Variants in DENND1A observed in about 807,000 individuals in gnomAD.
DENND1A encodes DENN domain-containing protein 1A.
A neutral mutation model predicts 113.7 loss-of-function variants in DENND1A; 51 were observed. That is an observed-to-expected ratio of 0.45 (90% CI 0.36 to 0.57). The LOEUF (loss-of-function observed/expected upper bound fraction) is 0.57, where lower values mean the gene tolerates loss of function less well. Among genes scored for constraint, DENND1A ranks in the 20% least tolerant of loss-of-function variants. The pLI, the probability that DENND1A is intolerant of heterozygous loss-of-function variation, is 0.00. For synonymous variants in DENND1A, 565 were observed against 570.8 expected, an observed-to-expected ratio of 0.99 and a Z score of 0.14; for missense variants, 1,258 against 1,395.9, an observed-to-expected ratio of 0.90 and a Z score of 1.57.
At chr9:123,556,812 G>A (rs2057441858) in intron 13 of DENND1A, among the ~76,000 whole-genome samples, 1 of 152,250 alleles carries the variant, frequency 6.6e-6, no homozygotes, top group Non-Finnish European at 1.5e-5. Flanking sequence ...AGAAAGCCAA[G>A]AGTAGGCCGA....
At chr9:123,551,243 C>T (rs1378928531) in intron 13 of DENND1A, among the ~76,000 whole-genome samples, 1 of 152,212 alleles carries the variant, frequency 6.6e-6, no homozygotes, top group East Asian at 1.9e-4. Flanking sequence ...AAGCAGCAAC[C>T]TCTGAAGCCC....
chr9:123,407,198 C>T (rs1393227946), intron 20 of DENND1A, among the ~76,000 whole-genome samples: 1 of 151,418 alleles, frequency 6.6e-6, no homozygotes, highest in African/African-American at 2.4e-5. Context: ...GCTGGAGCCT[C>T]GGAGGCTGGG....
chr9:123,915,515 G>A (rs1357171977), intron 1 of DENND1A, among the ~76,000 whole-genome samples: 1 of 151,994 alleles, frequency 6.6e-6, no homozygotes, highest in Non-Finnish European at 1.5e-5. Context: ...AGTGTTGAGG[G>A]TTAATGGAAC....
At chr9:123,848,248 A>AC (rs1842890965) in intron 2 of DENND1A, among the ~76,000 whole-genome samples, 1 of 146,822 alleles carries the variant, frequency 6.8e-6, no homozygotes, top group Non-Finnish European at 1.5e-5. Flanking sequence ...AAAAAAAAAA[A>AC]AAAAAAAAAC....
At chr9:123,855,003 G>A (rs911356102) in intron 2 of DENND1A, among the ~76,000 whole-genome samples, 5 of 151,156 alleles carry the variant, frequency 3.3e-5, no homozygotes, top group Non-Finnish European at 7.4e-5. Flanking sequence ...TACTCTAGAA[G>A]TAAATGTAAC....
At chr9:123,801,892 A>G (rs1034626621) in intron 2 of DENND1A, among the ~76,000 whole-genome samples, 23 of 152,118 alleles carry the variant, frequency 1.5e-4, no homozygotes, top group African/African-American at 5.6e-4. Context: ...TCTTCCCACT[A>G]TCCAAATCTT....
At chr9:123,609,184 C>T (rs1397405284) in intron 11 of DENND1A, among the ~76,000 whole-genome samples, 1 of 152,230 alleles carries the variant, frequency 6.6e-6, no homozygotes, top group Non-Finnish European at 1.5e-5. Flanking sequence ...AGAACCCTTT[C>T]CTCCTGCCTC....
intron 1 of DENND1A, among the ~76,000 whole-genome samples, chr9:123,904,397 G>A (rs1852361302): frequency 6.6e-6 from 1 of 151,614 alleles, no homozygotes. Context: ...AGAGAAGAAG[G>A]CTTCAGACGA....
intron 5 of DENND1A, among the ~76,000 whole-genome samples, chr9:123,745,536 T>G (rs1248980811): frequency 6.6e-6 from 1 of 152,248 alleles, no homozygotes; most frequent in African/African-American, 2.4e-5. Context: ...CTCAATAAAG[T>G]TGATTGAGCT....
chr9:123,522,315 G>C (rs981901579), intron 13 of DENND1A, among the ~76,000 whole-genome samples: 1 of 152,194 alleles, frequency 6.6e-6, no homozygotes, highest in African/African-American at 2.4e-5. Flanking sequence ...AGGAGCAAGG[G>C]AGCTGCACAA....
intron 3 of DENND1A, among the ~76,000 whole-genome samples, chr9:123,771,157 T>C (rs1343578900): frequency 6.6e-6 from 1 of 152,196 alleles, no homozygotes. Context: ...CTTTATAATG[T>C]GGCATTCAGG....
At chr9:123,862,137 T>A (rs1845146601) in intron 2 of DENND1A, among the ~76,000 whole-genome samples, 1 of 152,226 alleles carries the variant, frequency 6.6e-6, no homozygotes, top group Non-Finnish European at 1.5e-5. Context: ...TTGGGTTTAA[T>A]TAAACACTAG....
chr9:123,456,457 A>C (rs1402115164), intron 15 of DENND1A, among the ~76,000 whole-genome samples: 4 of 152,162 alleles, frequency 2.6e-5, no homozygotes, highest in African/African-American at 9.7e-5. Flanking sequence ...TGAGAAGACA[A>C]GACCTTCAGT....
intron 13 of DENND1A, among the ~76,000 whole-genome samples, chr9:123,551,986 AGAGAGCGAGAGAGAGCGAGAGAGAGC>A (rs2057078372): frequency 6.8e-6 from 1 of 147,948 alleles, no homozygotes; most frequent in Admixed American, 6.8e-5. Flanking sequence ...GGAAAGAGAG[AGAGAGCGAGAGAGAGCGAGAGAGAGC>A]GAGAGCGAGA....
intron 12 of DENND1A, among the ~76,000 whole-genome samples, chr9:123,559,126 C>T (rs1280114256): frequency 6.6e-6 from 1 of 152,002 alleles, no homozygotes; most frequent in East Asian, 1.9e-4. Flanking sequence ...GTGCTAAGTA[C>T]GGGGAGTGGT....
Position 123,421,190 on chromosome 9 carries a change from T to C in DENND1A, c.1489-9361A>G, listed in dbSNP as rs551070362. Among the ~76,000 whole-genome samples the C allele has an allele frequency of 2.1e-4, 31 of 150,918 alleles. No homozygotes were observed. In the East Asian group the frequency reaches 3.5e-3, roughly 17 times the overall value. ...ATGATCTCCTCTCTGGGGCTACTAT[T>C]TTCTGACACTTGCTAGGTACCAGGC... is the stretch of plus-strand genomic sequence containing the variant. On this transcript the variant is annotated intron_variant, in intron 19 of 23. Coordinates refer to ENST00000394215, the MANE Select transcript of DENND1A (RefSeq NM_001352964.2).
At chr9:123,514,086 G>GTGTGTGTGTGTT (rs1293410299) in intron 13 of DENND1A, among the ~76,000 whole-genome samples, 1 of 80,622 alleles carries the variant, frequency 1.2e-5, no homozygotes, top group African/African-American at 3.1e-5. Flanking sequence ...GTGTGTGTGT[G>GTGTGTGTGTGTT]TGTGTGTGTG....
chr9:123,622,222 C>T (rs1244286110), intron 10 of DENND1A, among the ~76,000 whole-genome samples: 9 of 152,234 alleles, frequency 5.9e-5, no homozygotes. Flanking sequence ...GGGGGAAAAG[C>T]ATGAGCTTGT....
intron 21 of DENND1A, among the ~76,000 whole-genome samples, chr9:123,391,910 G>A (rs1473839969): frequency 2.0e-5 from 3 of 152,166 alleles, no homozygotes; most frequent in South Asian, 2.1e-4. Context: ...GCTGCCCAGC[G>A]AGGGCTGCCA....
Sources: gnomAD v4.1 joint callset for allele counts (sites outside exome capture counted in the v4.1 genomes callset) on GRCh38, gnomAD v4.1.1 for gene constraint, MANE v1.5 for transcripts, NCBI Gene and HGNC (gene_info 2026-07-23, HGNC 2026-07-21) for gene names.